Variants in LRPAP1 observed in about 807,000 individuals in gnomAD.
The protein encoded by LRPAP1 is LDL receptor related protein associated protein 1.
In LRPAP1, 41 loss-of-function variants were observed where a neutral mutation model predicts 39.9. That is an observed-to-expected ratio of 1.03 (90% CI 0.80 to 1.33). LRPAP1 has a LOEUF of 1.33. Among genes scored for constraint, LRPAP1 ranks in the 40% most tolerant of loss-of-function variants. The probability of loss-of-function intolerance (pLI) is 0.00; values close to 1 mark genes in which losing one functional copy is unlikely to be tolerated. For missense variants in LRPAP1, 565 were observed against 482.3 expected, an observed-to-expected ratio of 1.17 and a Z score of -1.61; for synonymous variants, 263 against 212.7, an observed-to-expected ratio of 1.24 and a Z score of -2.06.
intron 1 of LRPAP1, among the ~76,000 whole-genome samples, chr4:3,526,014 G>C (rs1306033063): frequency 6.6e-6 from 1 of 152,256 alleles, no homozygotes; most frequent in Non-Finnish European, 1.5e-5. Flanking sequence ...TCCGTGCAGA[G>C]CAGAGTGGCC....
At position 3,504,660 on chromosome 4, in the gene LRPAP1, G is replaced by T. The variant is rs1487050295; in HGVS notation, c.*8314C>A. On this transcript the variant is annotated 3_prime_UTR_variant, in exon 8 of 8. Transcript: ENST00000650182. ...AGCTACTTGCGAGGCTGAGGCAGGA[G>T]AATTTCTTGAACCCAGGAGGTGGAG... Among the ~76,000 whole-genome samples the T allele has an allele frequency of 7.0e-6, 1 of 143,512 alleles. No individual in the cohort carries two copies. The highest frequency in any genetic ancestry group is 1.5e-5 in the Non-Finnish European group (1 of 66,628). 94.1% of individuals were successfully genotyped at this position (143,512 alleles called of 152,430 possible).
At chr4:3,515,876 G>A (rs1000595663) in intron 6 of LRPAP1, 4 of 567,062 alleles carry the variant, frequency 7.1e-6, no homozygotes, top group South Asian at 2.0e-5. Context: ...ACGCTCAGAC[G>A]TGAACACGGA....
intron 2 of LRPAP1, among the ~76,000 whole-genome samples, chr4:3,523,821 C>G (rs1729995549): frequency 6.6e-6 from 1 of 152,242 alleles, no homozygotes. Flanking sequence ...ACCCTCACGA[C>G]AGCAACAAGT....
intron 1 of LRPAP1, among the ~76,000 whole-genome samples, chr4:3,530,729 G>A (rs1730225350): frequency 6.6e-6 from 1 of 152,206 alleles, no homozygotes; most frequent in African/African-American, 2.4e-5. Flanking sequence ...TATTGCTGCA[G>A]GAGGCCTGGG....
At chr4:3,523,319 C>G (rs1008803506) in intron 2 of LRPAP1, among the ~76,000 whole-genome samples, 4 of 152,188 alleles carry the variant, frequency 2.6e-5, no homozygotes, top group African/African-American at 9.7e-5. Flanking sequence ...ACTAGACACG[C>G]TGGTGGGGAC....
intron 2 of LRPAP1, among the ~76,000 whole-genome samples, chr4:3,524,237 C>T (rs1560259760): frequency 6.6e-6 from 1 of 152,190 alleles, no homozygotes; most frequent in African/African-American, 2.4e-5. Context: ...CATTTAAAAC[C>T]CTCCCGGCTC....
chr4:3,505,657 GTC>G lies in LRPAP1; in HGVS notation c.*7315_*7316del, dbSNP rs1729331986. Among the ~76,000 whole-genome samples the G allele has an allele frequency of 6.6e-6, 1 of 151,998 alleles. No individual in the cohort carries two copies. Among genetic ancestry groups the G allele is most frequent in the Admixed American group, 6.5e-5 (1 of 15,274 alleles). The stretch of plus-strand genomic sequence containing the variant: ...CGTCTATACCAGCTACCCCAAGACC[GTC>G]TATACCAGCTACCCCAAGACCGTCT... On this transcript the variant is annotated 3_prime_UTR_variant, in exon 8 of 8. Transcript: ENST00000650182.
chr4:3,518,855 T>TGGGGGC lies in LRPAP1; in HGVS notation c.592+10_592+15dup. On this transcript the variant is annotated intron_variant, in intron 4 of 7. Transcript: ENST00000650182. ...GGGTGGGGCAGAGGGCAGGAGGGGG[T>TGGGGGC]GGGGGCGGGGGGCACCTTCGGTCCT... The TGGGGGC allele has an allele frequency of 1.2e-6, 1 of 865,400 alleles. No individual in the cohort carries two copies. The highest frequency in any genetic ancestry group is 1.4e-6 in the Non-Finnish European group (1 of 710,038). 53.6% of individuals were successfully genotyped at this position (865,400 alleles called of 1,614,324 possible).
rs1262484102 is a variant in LRPAP1, at chr4:3,504,894, C to T, written c.*8080G>A. 6.6e-6 allele frequency among the ~76,000 whole-genome samples: 1 copy of T among 152,066 alleles called. No homozygotes were observed. The highest frequency in any genetic ancestry group is 1.5e-5 in the Non-Finnish European group (1 of 68,020). On this transcript the variant is annotated 3_prime_UTR_variant, in exon 8 of 8. Transcript: ENST00000650182. ...CCTGGGAGGCAGAGGTTGCAGTGAGCCGAGATCGCACCAACGCACTCCAGC... is the reference window on the plus strand; with the variant it reads ...CCTGGGAGGCAGAGGTTGCAGTGAGTCGAGATCGCACCAACGCACTCCAGC...
chr4:3,516,968 G>A (rs1318007700), intron 5 of LRPAP1, among the ~76,000 whole-genome samples: 1 of 152,246 alleles, frequency 6.6e-6, no homozygotes, highest in African/African-American at 2.4e-5. Context: ...AGCCCGAGGT[G>A]GGAAGAGAAG....
Position 3,510,440 on chromosome 4 carries a change from T to C in LRPAP1, c.*2534A>G, listed in dbSNP as rs1231001900. 2 of 152,208 alleles carry C rather than the reference T, an allele frequency of 1.3e-5. No individual in the cohort carries two copies. The highest frequency in any genetic ancestry group is 4.8e-5 in the African/African-American group (2 of 41,438). The allele number at this position is 152,208 out of a possible 1,614,324, so 9.4% of individuals were successfully genotyped here. Reference sequence around the variant, plus strand: ...CAGCCTGAGGGACAGAGCAAGACCTTGTCTAAAGTGTGGCAATGGCAAGAG... The same window carrying C: ...CAGCCTGAGGGACAGAGCAAGACCTCGTCTAAAGTGTGGCAATGGCAAGAG... On this transcript the variant is annotated 3_prime_UTR_variant, in exon 8 of 8. Transcript: ENST00000650182.
In LRPAP1 at chr4:3,516,149, G is replaced by T; in HGVS notation, c.801C>A (p.Ala267=). Residue 267 remains alanine, a synonymous_variant, in exon 6 of 8, where the codon GCC becomes GCA. Transcript: ENST00000650182. ...VIDLWDLAQS[A]NLTDKELEAF... is the part of the protein sequence containing the mutation. ...CCTCCAGCTCCTTGTCCGTGAGGTTGGCGGACTGCGCCAGGTCCCACAGGT... is the reference window on the plus strand; with the variant it reads ...CCTCCAGCTCCTTGTCCGTGAGGTTTGCGGACTGCGCCAGGTCCCACAGGT... 6.3e-7 allele frequency: 1 copy of T among 1,582,442 alleles called. No homozygotes were observed. Among genetic ancestry groups the T allele is most frequent in the Non-Finnish European group, 8.6e-7 (1 of 1,164,722 alleles).
At position 3,506,690 on chromosome 4, in the gene LRPAP1, G is replaced by C. The variant is rs899777467; in HGVS notation, c.*6284C>G. The C allele has an allele frequency of 6.6e-6, 1 of 152,140 alleles. No homozygotes were observed. Among genetic ancestry groups the C allele is most frequent in the African/African-American group, 2.4e-5 (1 of 41,414 alleles). 9.4% of individuals were successfully genotyped at this position (152,140 alleles called of 1,614,324 possible). On this transcript the variant is annotated 3_prime_UTR_variant, in exon 8 of 8. Transcript: ENST00000650182. Reference sequence around the variant, plus strand: ...CCCGGCCGGCTCGAGCTGTTTTTAAGAGGATATATCCTGGTTTGCTGCTGT... The same window carrying C: ...CCCGGCCGGCTCGAGCTGTTTTTAACAGGATATATCCTGGTTTGCTGCTGT...
chr4:3,527,737 C>G (rs570252753), intron 1 of LRPAP1, among the ~76,000 whole-genome samples: 1 of 152,208 alleles, frequency 6.6e-6, no homozygotes, highest in African/African-American at 2.4e-5. Context: ...GGGCTGCCTG[C>G]TGGAAAGCGG....
In LRPAP1 at chr4:3,505,080, A is replaced by ACCACGCACGCAG. The variant is rs1164743035; in HGVS notation, c.*7893_*7894insCTGCGTGCGTGG. On this transcript the variant is annotated 3_prime_UTR_variant, in exon 8 of 8. Coordinates refer to ENST00000650182, the MANE Select transcript of LRPAP1 (RefSeq NM_002337.4). Reference sequence around the variant, plus strand: ...AGAGGCTAAAATAATCATGTGCCCTACCATGCACGCAGCCATGGTGGCCCG... The same window carrying ACCACGCACGCAG: ...AGAGGCTAAAATAATCATGTGCCCTACCACGCACGCAGCCATGCACGCAGCCATGGTGGCCCG... Among the ~76,000 whole-genome samples, 35 of 152,196 alleles carry ACCACGCACGCAG rather than the reference A, an allele frequency of 2.3e-4. No individual in the cohort carries two copies. Among genetic ancestry groups the ACCACGCACGCAG allele is most frequent in the African/African-American group, 7.0e-4 (29 of 41,446 alleles).
Position 3,508,860 on chromosome 4 carries a change from A to G in LRPAP1, c.*4114T>C, listed in dbSNP as rs191578245. The G allele has an allele frequency of 6.6e-6, 1 of 152,196 alleles. No individual in the cohort carries two copies. The highest frequency in any genetic ancestry group is 1.5e-5 in the Non-Finnish European group (1 of 68,002). The allele number at this position is 152,196 out of a possible 1,614,324, so 9.4% of individuals were successfully genotyped here. A position where few individuals can be genotyped will look rare whatever the true frequency, so the allele number is the denominator to read the frequency against. ...GAGCCCATGTTCACCGAGACTGGGA[A>G]TAAGATTAGCGAGCGCCGGCTCACC... On this transcript the variant is annotated 3_prime_UTR_variant, in exon 8 of 8. Coordinates refer to ENST00000650182, the MANE Select transcript of LRPAP1 (RefSeq NM_002337.4).
chr4:3,516,188 C>T lies in LRPAP1; in HGVS notation c.762G>A (p.Glu254=), dbSNP rs967353153. 4 of 1,572,708 alleles carry T rather than the reference C, an allele frequency of 2.5e-6. No individual in the cohort carries two copies. The African/African-American group carries it at 4.0e-5, about 16-fold the overall frequency. ...QGYSTEAEFE[E]PRVIDLWDLA... Reference sequence around the variant, plus strand: ...GGTCCCACAGGTCAATCACCCTGGGCTCCTCGAACTCTGCAGGGGAGGAGC... The same window carrying T: ...GGTCCCACAGGTCAATCACCCTGGGTTCCTCGAACTCTGCAGGGGAGGAGC... The change falls in exon 6 of 8, where the codon GAG becomes GAA. Residue 254 remains glutamate, a synonymous_variant. Coordinates refer to ENST00000650182, the MANE Select transcript of LRPAP1 (RefSeq NM_002337.4).
rs924746931 is a variant in LRPAP1 at position 3,508,893 on chromosome 4, T to G, written c.*4081A>C. On this transcript the variant is annotated 3_prime_UTR_variant, in exon 8 of 8. Coordinates refer to ENST00000650182, the MANE Select transcript of LRPAP1 (RefSeq NM_002337.4). ...AGCGAGCGCCGGCTCACCTCACCAG[T>G]GCAGTGAGAAGCCGAGGCACAGACT... 1 of 149,800 alleles carries G rather than the reference T, an allele frequency of 6.7e-6. No individual in the cohort carries two copies. The highest frequency in any genetic ancestry group is 1.5e-5 in the Non-Finnish European group (1 of 67,736). 9.3% of individuals were successfully genotyped at this position (149,800 alleles called of 1,614,324 possible).
intron 4 of LRPAP1, 29 bp downstream of exon 4, chr4:3,518,842 G>A: frequency 6.9e-7 from 1 of 1,451,598 alleles, no homozygotes; most frequent in Non-Finnish European, 9.3e-7. Context: ...GTGGGGCAGA[G>A]GGCAGGAGGG....
Sources: allele counts gnomAD v4.1 joint callset (sites outside exome capture counted in the v4.1 genomes callset), GRCh38; gene constraint gnomAD v4.1.1; transcripts MANE v1.5; gene names NCBI Gene and HGNC (gene_info 2026-07-23, HGNC 2026-07-21).